Variants in KMT2C observed in about 807,000 individuals in gnomAD.
The protein encoded by KMT2C is lysine methyltransferase 2C, also known as histone-lysine N-methyltransferase 2C.
In KMT2C, 88 loss-of-function variants were observed where a neutral mutation model predicts 507.9. That is an observed-to-expected ratio of 0.17 (90% CI 0.15 to 0.21). KMT2C has a LOEUF of 0.21. KMT2C is among the 10% of genes least tolerant of loss of function. The pLI is 1.00. For synonymous variants in KMT2C, 2,049 were observed against 2,080.8 expected (o/e 0.98, Z 0.42); for missense variants, 4,954 against 5,957.8 (o/e 0.83, Z 5.55).
chr7:152,173,062 T>C (rs940073555), intron 39 of KMT2C, among the ~76,000 whole-genome samples: 1 of 151,026 alleles, frequency 6.6e-6, no homozygotes, highest in African/African-American at 2.5e-5. Flanking sequence ...ATAAAACAGT[T>C]AGGAATCTCT....
At chr7:152,257,810 G>A (rs1224188804) in intron 9 of KMT2C, among the ~76,000 whole-genome samples, 1 of 151,750 alleles carries the variant, frequency 6.6e-6, no homozygotes, top group African/African-American at 2.4e-5. Flanking sequence ...GAATTGTCTT[G>A]GGCCACACAC....
intron 1 of KMT2C, among the ~76,000 whole-genome samples, chr7:152,401,478 G>A (rs1034646323): frequency 6.6e-6 from 1 of 151,858 alleles, no homozygotes; most frequent in African/African-American, 2.4e-5. Context: ...ATCAGTTGAG[G>A]TCAGGAGTTA....
chr7:152,294,684 T>C (rs1186839026), intron 6 of KMT2C, among the ~76,000 whole-genome samples: 1 of 152,152 alleles, frequency 6.6e-6, no homozygotes, highest in African/African-American at 2.4e-5. Flanking sequence ...AAAATAAATA[T>C]TATTAGGTTT....
chr7:152,367,556 C>A, intron 1 of KMT2C: 2 of 1,244,760 alleles, frequency 1.6e-6, no homozygotes, highest in Non-Finnish European at 2.3e-6. Context: ...TTAATCAACT[C>A]ATTATTCCTT....
Position 152,182,534 on chromosome 7 carries a change from C to A in KMT2C, c.5326G>T (p.Val1776Leu), listed in dbSNP as rs2129121140. ...KIEATQKLEQ[V>L]KNEQQQQQQQ... ...TGCTGCTGCTGCTGCTCATTTTTCA[C>A]CTGTTCAAGTTTCTGTGTGGCTTCA... The change falls in exon 36 of 59, where the codon GTG becomes TTG. Residue 1776 changes from valine to leucine, a missense_variant. Around this residue, in one of 29 missense-constraint regions of KMT2C, gnomAD observed 16 missense variants for 42.6 expected, o/e 0.38. Transcript: ENST00000262189. 6.2e-7 allele frequency: 1 copy of A among 1,612,344 alleles called. No homozygotes were observed. Among genetic ancestry groups the A allele is most frequent in the South Asian group, 1.1e-5 (1 of 90,716 alleles).
intron 1 of KMT2C, among the ~76,000 whole-genome samples, chr7:152,421,557 G>A (rs903593390): frequency 1.3e-5 from 2 of 152,158 alleles, no homozygotes; most frequent in Admixed American, 6.6e-5. Context: ...ATACTGTGCA[G>A]CCATAAAAAA....
chr7:152,433,133 G>A (rs1382232203), intron 1 of KMT2C, among the ~76,000 whole-genome samples: 1 of 150,026 alleles, frequency 6.7e-6, no homozygotes, highest in Middle Eastern at 3.3e-3. Flanking sequence ...GGGCTACAGA[G>A]CAAGACTTCG....
chr7:152,353,576 C>T (rs1452831961), intron 2 of KMT2C, among the ~76,000 whole-genome samples: 1 of 152,106 alleles, frequency 6.6e-6, no homozygotes, highest in Non-Finnish European at 1.5e-5. Flanking sequence ...CAGGTCACTG[C>T]AACTGGTGTC....
At chr7:152,169,851 A>T (rs1362562448) in intron 40 of KMT2C, among the ~76,000 whole-genome samples, 1 of 152,228 alleles carries the variant, frequency 6.6e-6, no homozygotes, top group African/African-American at 2.4e-5. Context: ...TCCCAAAAAA[A>T]TAAAAAAAAT....
intron 1 of KMT2C, among the ~76,000 whole-genome samples, chr7:152,381,914 T>A (rs202197696): frequency 6.6e-6 from 1 of 152,002 alleles, no homozygotes. Flanking sequence ...TCATCTGAAA[T>A]ATTTTACTAA....
chr7:152,229,567 G>A (rs558178000), intron 18 of KMT2C, among the ~76,000 whole-genome samples: 1 of 152,280 alleles, frequency 6.6e-6, no homozygotes, highest in Non-Finnish European at 1.5e-5. Context: ...GGAAAGAACA[G>A]AATGGGCTAA....
chr7:152,138,971 T>G lies in KMT2C; in HGVS notation c.14535-67A>C. ...AGAAGCAGCTTTAAAAACTTCCCATTTATTGATAAAGCAGTTTTTGCTAAT... is the reference window on the plus strand; with the variant it reads ...AGAAGCAGCTTTAAAAACTTCCCATGTATTGATAAAGCAGTTTTTGCTAAT... On this transcript the variant is annotated intron_variant, in intron 57 of 58. Coordinates refer to ENST00000262189, the MANE Select transcript of KMT2C (RefSeq NM_170606.3). This position sits in a 1 kb window ranked among gnomAD's most constrained non-coding sequence, Gnocchi z 4.2. 8.0e-7 allele frequency: 1 copy of G among 1,253,796 alleles called. No homozygotes were observed. The allele number at this position is 1,253,796 out of a possible 1,614,324, so 77.7% of individuals were successfully genotyped here. A position where few individuals can be genotyped will look rare whatever the true frequency, so the allele number is the denominator to read the frequency against.
At chr7:152,203,093 G>C (rs2129135807) in intron 25 of KMT2C, 29 bp from the exon 26 acceptor site, 1 of 1,551,572 alleles carries the variant, frequency 6.4e-7, no homozygotes, top group Non-Finnish European at 8.7e-7. Context: ...TTATAAATAT[G>C]TGACATTTAA....
intron 23 of KMT2C, among the ~76,000 whole-genome samples, chr7:152,213,550 A>G (rs1273939598): frequency 6.6e-6 from 1 of 152,170 alleles, no homozygotes. Context: ...TATCTTACAC[A>G]TCATACATAA....
At position 152,167,332 on chromosome 7, in the gene KMT2C, T is replaced by G. The variant is rs561821779; in HGVS notation, c.9564A>C (p.Gln3188His). The change falls in exon 42 of 59, where the codon CAA becomes CAC. Residue 3188 changes from glutamine to histidine, a missense_variant. This residue lies in a region of KMT2C where 71 missense variants were observed against 139.2 expected (regional missense o/e 0.51). Coordinates refer to ENST00000262189, the MANE Select transcript of KMT2C (RefSeq NM_170606.3). ...KQYEEWLQET[Q>H]QLLQMQQKYL... ...ACTTCTGCTGCATTTGAAGCAGCTG[T>G]TGGGTCTCCTGGAGCCACTCTTCAT... is the stretch of plus-strand genomic sequence containing the variant. 1.2e-6 allele frequency: 2 copies of G among 1,613,926 alleles called. No individual in the cohort carries two copies. The highest frequency in any genetic ancestry group is 2.2e-5 in the South Asian group (2 of 91,078).
intron 42 of KMT2C, 146 bp from the exon 43 acceptor site, chr7:152,163,972 T>A: frequency 3.0e-6 from 2 of 675,390 alleles, no homozygotes; most frequent in Admixed American, 5.3e-5. Context: ...ACTGCAAAAG[T>A]CACAAAAAAA....
At chr7:152,182,681 T>C (rs1351042679) in intron 35 of KMT2C, 87 bp from the exon 36 acceptor site, 1 of 1,234,854 alleles carries the variant, frequency 8.1e-7, no homozygotes, top group African/African-American at 1.5e-5. Context: ...AGAAAGTTAA[T>C]TTGTTTGATG....
intron 1 of KMT2C, chr7:152,366,889 C>G (rs1389450936): frequency 5.1e-6 from 2 of 395,384 alleles, no homozygotes; most frequent in African/African-American, 2.2e-5. Context: ...AAGGGCCAGA[C>G]GCGGCGCGAG....
intron 23 of KMT2C, among the ~76,000 whole-genome samples, chr7:152,212,862 G>A (rs1449947428): frequency 3.3e-5 from 5 of 152,190 alleles, no homozygotes; most frequent in South Asian, 2.1e-4. Flanking sequence ...CCAACATGGC[G>A]AAACCCTGTC....
Sources: gnomAD v4.1 joint callset for allele counts (sites outside exome capture counted in the v4.1 genomes callset) on GRCh38, gnomAD v4.1.1 for gene constraint, gnomAD v4.1.1 regional missense constraint, Gnocchi (gnomAD v3.1) non-coding constraint, MANE v1.5 for transcripts, NCBI Gene and HGNC (gene_info 2026-07-23, HGNC 2026-07-21) for gene names.